Variants in CKAP5 observed in about 807,000 individuals in gnomAD.
The protein encoded by CKAP5 is cytoskeleton associated protein 5.
Under a neutral mutation model 232.8 loss-of-function variants are expected in CKAP5, and 27 were observed. The observed-to-expected ratio is 0.12, with a 90% CI of 0.09 to 0.16. The LOEUF (loss-of-function observed/expected upper bound fraction) is 0.16. Among genes scored for constraint, CKAP5 ranks in the 10% least tolerant of loss-of-function variants. The probability of loss-of-function intolerance (pLI) is 1.00; values close to 1 mark genes in which losing one functional copy is unlikely to be tolerated. For missense variants in CKAP5, 1,838 were observed against 2,424.7 expected (o/e 0.76, Z 5.08); for synonymous variants, 785 against 841.1 (o/e 0.93, Z 1.16).
chr11:46,790,270 A>G (rs562271494), intron 14 of CKAP5, 84 bp from the exon 15 acceptor site: 1 of 919,724 alleles, frequency 1.1e-6, no homozygotes, highest in African/African-American at 1.7e-5. Context: ...AGCCAAAACT[A>G]AAAGAATACT....
intron 27 of CKAP5, 123 bp downstream of exon 27, chr11:46,767,451 AT>A: frequency 1.8e-6 from 1 of 550,078 alleles, no homozygotes; most frequent in Middle Eastern, 5.1e-4. Flanking sequence ...TGTATAAATA[AT>A]TTGATAATAT....
intron 25 of CKAP5, 99 bp downstream of exon 25, chr11:46,770,689 A>G: frequency 9.0e-7 from 1 of 1,112,866 alleles, no homozygotes; most frequent in Admixed American, 2.3e-5. Context: ...TCGGCCTCCC[A>G]AAGTGTTGGG....
Position 46,750,326 on chromosome 11 carries a change from A to ATTG in CKAP5, c.5651_5652insCAA (p.Leu1884_Arg1885insAsn). 1 of 1,614,164 alleles carries ATTG rather than the reference A, an allele frequency of 6.2e-7. No individual in the cohort carries two copies. Among genetic ancestry groups the ATTG allele is most frequent in the Non-Finnish European group, 8.5e-7 (1 of 1,180,002 alleles). On this transcript the variant is annotated inframe_insertion, in exon 42 of 44. Coordinates refer to ENST00000529230, the MANE Select transcript of CKAP5 (RefSeq NM_001008938.4). ...CCTCCCTCTCCATCTCAATCACCCG[A>ATTG]AGGCCTCTTTCGACATAGCTCTGGA...
chr11:46,768,882 G>A (rs2065225280), intron 26 of CKAP5, among the ~76,000 whole-genome samples: 1 of 151,940 alleles, frequency 6.6e-6, no homozygotes, highest in South Asian at 2.1e-4. Flanking sequence ...GTCTAAAAAT[G>A]AATTGGTCAC....
intron 1 of CKAP5, among the ~76,000 whole-genome samples, chr11:46,845,739 A>G (rs1215090889): frequency 6.6e-6 from 1 of 152,234 alleles, no homozygotes; most frequent in Non-Finnish European, 1.5e-5. Flanking sequence ...GCAGGGACAC[A>G]GGTGTGCGGC....
rs111234679 is a variant in CKAP5, at chr11:46,844,824, T to TAG, written c.-38+1394_-38+1395dup. 3.8e-3 allele frequency among the ~76,000 whole-genome samples: 566 copies of TAG among 148,474 alleles called. 3 individuals are homozygous for TAG. The highest frequency in any genetic ancestry group is 8.3e-3 in the African/African-American group (338 of 40,680). ...GCCCAGCCATTTTTTGTATTTTTAG[T>TAG]AGAGAGAGAGAGAGAGAGACGGGGT... is the stretch of plus-strand genomic sequence containing the variant. On this transcript the variant is annotated intron_variant, in intron 1 of 43. Transcript: ENST00000529230.
intron 28 of CKAP5, among the ~76,000 whole-genome samples, chr11:46,764,732 T>G (rs1381445821): frequency 1.3e-5 from 2 of 152,188 alleles, no homozygotes; most frequent in African/African-American, 4.8e-5. Context: ...AAAAAGATTA[T>G]GTATTTTGAA....
rs755030125 is a variant in CKAP5, at chr11:46,811,051, G to T, written c.586C>A (p.Arg196=). The change falls in exon 5 of 44, where the codon CGG becomes AGG. Residue 196 remains arginine (R), a synonymous_variant. Coordinates refer to ENST00000529230, the MANE Select transcript of CKAP5 (RefSeq NM_001008938.4). ...TGTAATGGGGGTCTCAGAGCATCCC[G>T]AATCCATCTGTAAATCTCCACAGCA... ...LIAVEIYRWI[R]DALRPPLQNI... 1.2e-6 allele frequency: 2 copies of T among 1,614,010 alleles called. No homozygotes were observed. The highest frequency in any genetic ancestry group is 1.7e-6 in the Non-Finnish European group (2 of 1,179,964).
chr11:46,758,726 A>G, intron 35 of CKAP5, 197 bp downstream of exon 35: 1 of 518,020 alleles, frequency 1.9e-6, no homozygotes, highest in Non-Finnish European at 3.2e-6. Flanking sequence ...AAAAAAAAAA[A>G]AAAAATAAGG....
intron 36 of CKAP5, among the ~76,000 whole-genome samples, chr11:46,753,735 C>CA (rs1161244392): frequency 6.6e-6 from 1 of 151,862 alleles, no homozygotes; most frequent in Non-Finnish European, 1.5e-5. Flanking sequence ...TACAGGCACC[C>CA]ACCACCACGC....
At chr11:46,780,777 G>C (rs1254491774) in intron 18 of CKAP5, among the ~76,000 whole-genome samples, 1 of 152,094 alleles carries the variant, frequency 6.6e-6, no homozygotes, top group Non-Finnish European at 1.5e-5. Context: ...ACCATGCCCA[G>C]CTAATTTTTT....
chr11:46,845,384 T>A (rs1940162083), intron 1 of CKAP5, among the ~76,000 whole-genome samples: 1 of 152,204 alleles, frequency 6.6e-6, no homozygotes, highest in South Asian at 2.1e-4. Context: ...AAACTCATTG[T>A]TAAGATTCAT....
At chr11:46,772,170 T>C (rs2065253348) in intron 24 of CKAP5, among the ~76,000 whole-genome samples, 1 of 152,074 alleles carries the variant, frequency 6.6e-6, no homozygotes. Flanking sequence ...TTGTTGTTAC[T>C]GTTGAGTTTT....
At chr11:46,779,049 C>T (rs185795752) in intron 20 of CKAP5, among the ~76,000 whole-genome samples, 108 of 152,288 alleles carry the variant, frequency 7.1e-4, no homozygotes, top group Non-Finnish European at 1.4e-3. Context: ...CATTGTACTC[C>T]AGCCTGGGCA....
Position 46,751,264 on chromosome 11 carries a change from GAC to G in CKAP5, c.5323-11_5323-10del. On this transcript the variant is annotated splice_polypyrimidine_tract_variant and intron_variant, in intron 39 of 43. Coordinates refer to ENST00000529230, the MANE Select transcript of CKAP5 (RefSeq NM_001008938.4). ...GTTAGGTGGTCCAGGATCTGAGGGA[GAC>G]ACATGCATGACTGATAGCACTGCCA... 1 of 1,614,188 alleles carries G rather than the reference GAC, an allele frequency of 6.2e-7. No individual in the cohort carries two copies. Among genetic ancestry groups the G allele is most frequent in the Non-Finnish European group, 8.5e-7 (1 of 1,180,036 alleles).
At chr11:46,845,606 G>A (rs899503006) in intron 1 of CKAP5, among the ~76,000 whole-genome samples, 19 of 152,232 alleles carry the variant, frequency 1.2e-4, no homozygotes, top group African/African-American at 4.6e-4. Context: ...CTATTGTATT[G>A]GTTCCCCAAC....
chr11:46,790,289 T>C, intron 14 of CKAP5, 103 bp from the exon 15 acceptor site: 3 of 825,012 alleles, frequency 3.6e-6, no homozygotes, highest in East Asian at 2.6e-5. Flanking sequence ...CTCCCATAGG[T>C]ATGCTATAGT....
At chr11:46,844,784 G>A (rs1940140872) in intron 1 of CKAP5, among the ~76,000 whole-genome samples, 1 of 152,026 alleles carries the variant, frequency 6.6e-6, no homozygotes, top group Admixed American at 6.6e-5. Flanking sequence ...TAGGATTACA[G>A]GCGCCCGCCA....
chr11:46,800,786 T>C (rs753571448), intron 9 of CKAP5, among the ~76,000 whole-genome samples: 8 of 152,242 alleles, frequency 5.3e-5, no homozygotes. Context: ...ACATTTTATA[T>C]ATTAACCTCA....
Sources: gnomAD v4.1 joint callset for allele counts (sites outside exome capture counted in the v4.1 genomes callset) on GRCh38, gnomAD v4.1.1 for gene constraint, MANE v1.5 for transcripts, NCBI Gene and HGNC (gene_info 2026-07-23, HGNC 2026-07-21) for gene names.